Variants in ATP8B1 observed in about 807,000 individuals in gnomAD.
ATP8B1 encodes ATPase phospholipid transporting 8B1.
ATP8B1 carries 80 observed loss-of-function variants against 149.9 expected under a neutral mutation model. That is an observed-to-expected ratio of 0.53 (90% CI 0.45 to 0.64). ATP8B1 has a LOEUF of 0.64. Ranked by LOEUF, ATP8B1 falls within the 30% of genes least tolerant of loss-of-function variation. ATP8B1 has a pLI of 0.00. For missense variants in ATP8B1, 1,247 were observed against 1,552.6 expected, an observed-to-expected ratio of 0.80 and a Z score of 3.31; for synonymous variants, 536 against 562.8, an observed-to-expected ratio of 0.95 and a Z score of 0.67.
chr18:57,746,264 C>A (rs1386915052), intron 1 of ATP8B1, among the ~76,000 whole-genome samples: 1 of 152,072 alleles, frequency 6.6e-6, no homozygotes, highest in Non-Finnish European at 1.5e-5. Context: ...ACATTTCATG[C>A]AATTTTTACA....
chr18:57,700,526 G>T (rs555529532), intron 6 of ATP8B1, among the ~76,000 whole-genome samples: 1 of 152,188 alleles, frequency 6.6e-6, no homozygotes, highest in South Asian at 2.1e-4. Context: ...AAATTTTAAT[G>T]AATATTTCCT....
intron 1 of ATP8B1, among the ~76,000 whole-genome samples, chr18:57,761,076 T>A (rs923148396): frequency 3.1e-4 from 28 of 88,910 alleles, no homozygotes; most frequent in African/African-American, 1.3e-3. Flanking sequence ...TAAAATAAAA[T>A]AAATAAAATA....
Position 57,674,269 on chromosome 18 carries a change from GA to G in ATP8B1, c.1819+564del, listed in dbSNP as rs1489965435. On this transcript the variant is annotated intron_variant, in intron 16 of 27. Coordinates refer to ENST00000648908, the MANE Select transcript of ATP8B1 (RefSeq NM_001374385.1). ...AAAAAAAAAAAAAAAGAAAAGAAAA[GA>G]AAAAAAAGAGAGGGATTAAAAAAGA... Among the ~76,000 whole-genome samples the G allele has an allele frequency of 4.5e-3, 626 of 137,724 alleles. 6 individuals are homozygous for G. Among genetic ancestry groups the G allele is most frequent in the African/African-American group, 0.016 (596 of 38,044 alleles). The allele number at this position is 137,724 out of a possible 152,430, so 90.4% of individuals were successfully genotyped here.
chr18:57,728,842 C>T (rs924087398), intron 2 of ATP8B1, among the ~76,000 whole-genome samples: 1 of 151,448 alleles, frequency 6.6e-6, no homozygotes, highest in Non-Finnish European at 1.5e-5. Flanking sequence ...GCCTCAGCCT[C>T]CCGAGTAGCT....
chr18:57,703,327 G>T (rs1913220762), intron 4 of ATP8B1, among the ~76,000 whole-genome samples: 1 of 152,052 alleles, frequency 6.6e-6, no homozygotes, highest in Admixed American at 6.6e-5. Flanking sequence ...CCCAGCACTT[G>T]GGGAGGCTGA....
intron 2 of ATP8B1, among the ~76,000 whole-genome samples, chr18:57,709,568 T>G (rs1418416478): frequency 6.6e-6 from 1 of 152,226 alleles, no homozygotes; most frequent in Non-Finnish European, 1.5e-5. Flanking sequence ...ATATTTATTT[T>G]AAGTGTCTGC....
At chr18:57,742,077 C>G (rs923670038) in intron 1 of ATP8B1, among the ~76,000 whole-genome samples, 2 of 152,090 alleles carry the variant, frequency 1.3e-5, no homozygotes, top group Non-Finnish European at 2.9e-5. Flanking sequence ...ACCTTGTTGG[C>G]CAGGCTGGTC....
At chr18:57,668,374 G>A (rs1911013804) in intron 19 of ATP8B1, 55 bp downstream of exon 19, 2 of 1,471,390 alleles carry the variant, frequency 1.4e-6, no homozygotes, top group South Asian at 1.1e-5. Flanking sequence ...CAAAGGAAAC[G>A]GCAGCTATAA....
intron 2 of ATP8B1, among the ~76,000 whole-genome samples, chr18:57,728,823 G>A (rs1003285631): frequency 1.3e-5 from 2 of 150,954 alleles, no homozygotes; most frequent in Admixed American, 6.7e-5. Flanking sequence ...AGGTTCAAGC[G>A]ATTCTCCTGC....
In ATP8B1 at chr18:57,652,054, G is replaced by A; in HGVS notation, c.3380C>T (p.Pro1127Leu). ...CCAACCTGTAAATTGAAATGCAGAT[G>A]GAAAGAGAACATGTATTCCAGCACT... The part of the protein sequence containing the change: ...FHSAGIHVLF[P>L]SAFQFTGTAS... Residue 1127 changes from proline to leucine, a missense_variant, in exon 26 of 28, where the codon CCA becomes CTA. By Grantham distance (98) the Pro-to-Leu change is moderately conservative (BLOSUM62 -3). Coordinates refer to ENST00000648908, the MANE Select transcript of ATP8B1 (RefSeq NM_001374385.1). 1 of 1,613,670 alleles carries A rather than the reference G, an allele frequency of 6.2e-7. No individual in the cohort carries two copies. The highest frequency in any genetic ancestry group is 8.5e-7 in the Non-Finnish European group (1 of 1,179,854).
At chr18:57,672,097 C>T (rs1405689563) in intron 16 of ATP8B1, among the ~76,000 whole-genome samples, 1 of 152,078 alleles carries the variant, frequency 6.6e-6, no homozygotes, top group African/African-American at 2.4e-5. Flanking sequence ...AAAAAGATTC[C>T]TTCACAGTCA....
At chr18:57,708,865 C>T (rs1022439486) in intron 2 of ATP8B1, among the ~76,000 whole-genome samples, 2 of 152,154 alleles carry the variant, frequency 1.3e-5, no homozygotes, top group Non-Finnish European at 2.9e-5. Context: ...GGTCCCAGCA[C>T]TATACCCTCA....
intron 1 of ATP8B1, among the ~76,000 whole-genome samples, chr18:57,751,454 G>T (rs1429641065): frequency 7.4e-6 from 1 of 135,316 alleles, no homozygotes; most frequent in East Asian, 2.2e-4. Context: ...ATGCTGTCTT[G>T]AAAAAAAAAA....
intron 15 of ATP8B1, among the ~76,000 whole-genome samples, chr18:57,677,999 T>A (rs1189796845): frequency 1.3e-5 from 2 of 152,184 alleles, no homozygotes; most frequent in African/African-American, 4.8e-5. Flanking sequence ...ATCACAGAAT[T>A]GCAGACTAAC....
chr18:57,777,804 A>G (rs1024114825), intron 1 of ATP8B1, among the ~76,000 whole-genome samples: 2 of 152,206 alleles, frequency 1.3e-5, no homozygotes, highest in African/African-American at 4.8e-5. Flanking sequence ...TTCTGGGCTC[A>G]AGCGATCCTC....
rs1913405478 is a variant in ATP8B1 at position 57,706,555 on chromosome 18, T to TG, written c.213dup (p.Lys72GlnfsTer17). ...ATAAAGTGAGGTTGTTCGTGGTACT[T>TG]GCGATCGTTTGCTTTGACTTGCCAT... On this transcript the variant is annotated frameshift_variant, in exon 3 of 28. Transcript: ENST00000648908. LOFTEE classifies it high-confidence loss of function. 3 of 1,613,954 alleles carry TG rather than the reference T, an allele frequency of 1.9e-6. No homozygotes were observed. Among genetic ancestry groups the TG allele is most frequent in the Non-Finnish European group, 1.7e-6 (2 of 1,179,988 alleles).
chr18:57,725,148 G>C (rs1313371572), intron 2 of ATP8B1, among the ~76,000 whole-genome samples: 1 of 119,366 alleles, frequency 8.4e-6, no homozygotes, highest in Non-Finnish European at 1.8e-5. Context: ...TATACCTAAT[G>C]CTAGATGATG....
At chr18:57,651,667 C>G (rs1188376241) in intron 26 of ATP8B1, among the ~76,000 whole-genome samples, 1 of 151,680 alleles carries the variant, frequency 6.6e-6, no homozygotes, top group Non-Finnish European at 1.5e-5. Flanking sequence ...GGGTCCCGCT[C>G]TGTCACCTGG....
At chr18:57,669,151 C>A in intron 18 of ATP8B1, 167 bp downstream of exon 18, 1 of 659,310 alleles carries the variant, frequency 1.5e-6, no homozygotes, top group South Asian at 2.7e-5. Flanking sequence ...TTCTGTTCTG[C>A]TCCTATTTTG....
Sources: gnomAD v4.1 joint callset for allele counts (sites outside exome capture counted in the v4.1 genomes callset) on GRCh38, gnomAD v4.1.1 for gene constraint, MANE v1.5 for transcripts, NCBI Gene and HGNC (gene_info 2026-07-23, HGNC 2026-07-21) for gene names.